CHD1L: variants seen among roughly 807,000 people sequenced by gnomAD.
CHD1L encodes the protein ATP-dependent chromatin remodeler CHD1L.
In CHD1L, 118 loss-of-function variants were observed where a neutral mutation model predicts 115.9. That is an observed-to-expected ratio of 1.02 (90% confidence interval 0.88 to 1.19). The LOEUF (loss-of-function observed/expected upper bound fraction) is 1.19, where lower values mean the gene tolerates loss of function less well. CHD1L is among the 50% of genes most tolerant of loss of function. CHD1L has a pLI of 0.00. For synonymous variants in CHD1L, 411 were observed against 387.1 expected (o/e 1.06, Z -0.72); for missense variants, 1,179 against 1,065.3 (o/e 1.11, Z -1.49).
the CHD1L span, among the ~76,000 whole-genome samples, chr1:147,211,984 C>T: frequency 1.3e-5 from 2 of 152,186 alleles, no homozygotes; most frequent in African/African-American, 2.4e-5. Context: ...AATGATCACG[C>T]GTGCTTTCCT....
chr1:147,278,597 G>C (rs12403141), intron 14 of CHD1L, among the ~76,000 whole-genome samples: 8,289 of 151,548 alleles, frequency 0.055, 358 homozygotes, highest in East Asian at 0.15. Context: ...CTAAGCAGTA[G>C]GTATGGAGTT....
chr1:147,254,690 G>C (rs1242675744), intron 2 of CHD1L, among the ~76,000 whole-genome samples, 180 bp from the exon 3 acceptor site: 1 of 152,152 alleles, frequency 6.6e-6, no homozygotes, highest in Admixed American at 6.5e-5. Context: ...GTATATTGAG[G>C]CTTACATGAT....
In CHD1L at chr1:147,259,925, T is replaced by C; in HGVS notation, c.576+7T>C. 3 of 1,609,480 alleles carry C rather than the reference T, an allele frequency of 1.9e-6. No individual in the cohort carries two copies. The highest frequency in any genetic ancestry group is 2.6e-6 in the Non-Finnish European group (3 of 1,176,412). ...GCATAAGACCTTGTCAGAGGTAAAC[T>C]TACAGTGTAGCCTTAGTTTTTATAT... On this transcript the variant is annotated splice_region_variant and intron_variant, in intron 6 of 22. Coordinates refer to ENST00000369258, the MANE Select transcript of CHD1L (RefSeq NM_004284.6).
At chr1:147,198,913 AT>A in the CHD1L span, among the ~76,000 whole-genome samples, 1 of 151,766 alleles carries the variant, frequency 6.6e-6, no homozygotes, top group East Asian at 1.9e-4. Flanking sequence ...GTTGTATCCA[AT>A]TTGTGGAGGA....
the CHD1L span, among the ~76,000 whole-genome samples, chr1:147,227,248 T>C: frequency 1.3e-5 from 2 of 152,320 alleles, no homozygotes; most frequent in Non-Finnish European, 2.9e-5. Flanking sequence ...ACACAACCAT[T>C]TTATATGCTA....
the CHD1L span, chr1:147,201,052 G>T: frequency 2.4e-6 from 2 of 833,230 alleles, no homozygotes; most frequent in Non-Finnish European, 1.9e-6. Flanking sequence ...AGGCACTGTT[G>T]TAATCATACA....
At chr1:147,285,198 G>C in intron 16 of CHD1L, 126 bp from the exon 17 acceptor site, 2 of 1,067,710 alleles carry the variant, frequency 1.9e-6, no homozygotes, top group Non-Finnish European at 2.7e-6. Flanking sequence ...CACCATGCAG[G>C]GTGTGTGGAG....
intron 22 of CHD1L, among the ~76,000 whole-genome samples, chr1:147,295,022 ACCT>A (rs1687021042): frequency 6.6e-6 from 1 of 151,732 alleles, no homozygotes; most frequent in Admixed American, 6.6e-5. Context: ...TCTTCTAATG[ACCT>A]CCTTGCTCTA....
intron 6 of CHD1L, 38 bp downstream of exon 6, chr1:147,259,956 C>G: frequency 6.9e-7 from 1 of 1,443,612 alleles, no homozygotes; most frequent in Non-Finnish European, 9.6e-7. Context: ...TATATAACCC[C>G]TTCTTTTTAA....
chr1:147,242,756 T>A lies in CHD1L; in HGVS notation c.53T>A (p.Leu18Gln). 1.6e-6 allele frequency: 2 copies of A among 1,266,376 alleles called. No homozygotes were observed. The highest frequency in any genetic ancestry group is 6.0e-5 in the East Asian group (2 of 33,172). The allele number at this position is 1,266,376 out of a possible 1,614,324, so 78.4% of individuals were successfully genotyped here. A position where few individuals can be genotyped will look rare whatever the true frequency, so the allele number is the denominator to read the frequency against. ...SRGGQAPGFLLRLHTEGRAEA... is the reference protein window; with the variant it reads ...SRGGQAPGFLQRLHTEGRAEA... ...GGGGGCCAAGCCCCTGGCTTCTTACTGCGGCTTCATACTGAGGGCCGAGCC... is the reference window on the plus strand; with the variant it reads ...GGGGGCCAAGCCCCTGGCTTCTTACAGCGGCTTCATACTGAGGGCCGAGCC... Residue 18 changes from leucine (L) to glutamine (Q), a missense_variant, in exon 1 of 23, where the codon CTG (leucine) becomes CAG (glutamine). Coordinates refer to ENST00000369258, the MANE Select transcript of CHD1L (RefSeq NM_004284.6).
At position 147,285,312 on chromosome 1, in the gene CHD1L, T is replaced by C; in HGVS notation, c.1855-12T>C. On this transcript the variant is annotated splice_polypyrimidine_tract_variant and intron_variant, in intron 16 of 22. Transcript: ENST00000369258. ...TTCTTGACCCTGGTGATGGATCTTG[T>C]TCTTCCTCTAGGTTCTCATCCCAGG... The C allele has an allele frequency of 6.2e-7, 1 of 1,605,724 alleles. No individual in the cohort carries two copies. Among genetic ancestry groups the C allele is most frequent in the Non-Finnish European group, 8.5e-7 (1 of 1,177,470 alleles).
intron 15 of CHD1L, 89 bp from the exon 16 acceptor site, chr1:147,284,262 T>G (rs1316404780): frequency 1.9e-6 from 2 of 1,073,176 alleles, no homozygotes; most frequent in Non-Finnish European, 2.7e-6. Flanking sequence ...TAGGCTGTTC[T>G]CCTGTCCACT....
rs151041416 is a variant in CHD1L, at chr1:147,270,847, T to C, written c.1086-85T>C. 318 of 1,091,444 alleles carry C rather than the reference T, an allele frequency of 2.9e-4. 1 individual carries two copies. The African/African-American group carries it at 4.5e-3, about 15-fold the overall frequency. 67.6% of individuals were successfully genotyped at this position (1,091,444 alleles called of 1,614,324 possible). ...TACTTTGGTATTTATTTATAAACTT[T>C]TATTGTTTGGTAAATTTTGCCTGAG... On this transcript the variant is annotated intron_variant, in intron 10 of 22. Transcript: ENST00000369258.
the CHD1L span, chr1:147,211,111 T>C: frequency 6.6e-6 from 1 of 152,208 alleles, no homozygotes; most frequent in Admixed American, 6.5e-5. Context: ...TATGCAGACA[T>C]AGTTTTCCTT....
At chr1:147,190,327 T>A in the CHD1L span, 1 of 916,284 alleles carries the variant, frequency 1.1e-6, no homozygotes, top group South Asian at 1.5e-5. Flanking sequence ...TACTATGCTA[T>A]GGAGAATTCA....
At chr1:147,209,235 CA>C in the CHD1L span, among the ~76,000 whole-genome samples, 3 of 152,160 alleles carry the variant, frequency 2.0e-5, no homozygotes, top group South Asian at 2.1e-4. Context: ...CTGGCTAACA[CA>C]GTGAAACCCC....
chr1:147,284,371 G>C lies in CHD1L; in HGVS notation c.1726G>C (p.Glu576Gln), dbSNP rs1682201785. 1 of 1,579,868 alleles carries C rather than the reference G, an allele frequency of 6.3e-7. No individual in the cohort carries two copies. The highest frequency in any genetic ancestry group is 1.2e-5 in the South Asian group (1 of 86,068). Residue 576 changes from glutamate (E) to glutamine (Q), a missense_variant, in exon 16 of 23, where the codon GAA becomes CAA. Glu to Gln is a conservative substitution (Grantham distance 29, BLOSUM62 2). Coordinates refer to ENST00000369258, the MANE Select transcript of CHD1L (RefSeq NM_004284.6). ...EEGKNHMYLF[E>Q]GKDYSKEPSK... The stretch of plus-strand genomic sequence containing the variant: ...GTTAGAAAATCATATGTACTTATTT[G>C]AAGGTAAAGATTATTCTAAAGAGCC...
At chr1:147,180,571 A>G in the CHD1L span, among the ~76,000 whole-genome samples, 1 of 152,324 alleles carries the variant, frequency 6.6e-6, no homozygotes, top group Non-Finnish European at 1.5e-5. Context: ...GACTACAGGC[A>G]TGAGCCACTG....
At chr1:147,287,293 G>A (rs944345563) in intron 18 of CHD1L, among the ~76,000 whole-genome samples, 11 of 152,064 alleles carry the variant, frequency 7.2e-5, no homozygotes, top group African/African-American at 2.7e-4. Flanking sequence ...CCTATGTGCT[G>A]TTGCATAACC....
Sources: allele counts gnomAD v4.1 joint callset (sites outside exome capture counted in the v4.1 genomes callset), GRCh38; gene constraint gnomAD v4.1.1; transcripts MANE v1.5; gene names NCBI Gene and HGNC (gene_info 2026-07-23, HGNC 2026-07-21).